FARS2: variants seen among roughly 807,000 people sequenced by gnomAD.
The protein encoded by FARS2 is phenylalanyl-tRNA synthetase 2, mitochondrial, also known as phenylalanine--tRNA ligase, mitochondrial.
FARS2 carries 40 observed loss-of-function variants against 46.4 expected under a neutral mutation model. The ratio of observed to expected loss-of-function variants is 0.86; its 90% CI spans 0.67 to 1.12. FARS2 has a LOEUF of 1.12. Among genes scored for constraint, FARS2 ranks in the 50% most tolerant of loss-of-function variants. The probability of loss-of-function intolerance (pLI) is 0.00; values close to 1 mark genes in which losing one functional copy is unlikely to be tolerated. For synonymous variants in FARS2, 234 were observed against 214.9 expected, an observed-to-expected ratio of 1.09 and a Z score of -0.78; for missense variants, 513 against 567.9, an observed-to-expected ratio of 0.90 and a Z score of 0.98.
At chr6:5,736,904 ACTCAT>A (rs1737623056) in intron 6 of FARS2, among the ~76,000 whole-genome samples, 1 of 152,048 alleles carries the variant, frequency 6.6e-6, no homozygotes. Flanking sequence ...ATCCCATCTC[ACTCAT>A]CTCTCTTCTG....
chr6:5,486,703 G>A (rs1468546545), intron 4 of FARS2, among the ~76,000 whole-genome samples: 1 of 152,168 alleles, frequency 6.6e-6, no homozygotes, highest in Non-Finnish European at 1.5e-5. Context: ...GCATGTTGAG[G>A]TGTGGACTTA....
In FARS2 at chr6:5,765,165, G is replaced by A. The variant is rs925062195; in HGVS notation, c.1218-6126G>A. Among the ~76,000 whole-genome samples the A allele has an allele frequency of 3.3e-5, 5 of 152,188 alleles. No individual in the cohort carries two copies. The highest frequency in any genetic ancestry group is 9.7e-5 in the African/African-American group (4 of 41,446). ...CCCCTCCCTGCTGTTGCATTCTGCC[G>A]TCCAGCCCAGCTCTCCCATTGGCCC... is the stretch of plus-strand genomic sequence containing the variant. On this transcript the variant is annotated intron_variant, in intron 6 of 6. Transcript: ENST00000274680. This position sits in a 1 kb window ranked among gnomAD's most constrained non-coding sequence, Gnocchi z 4.0.
intron 5 of FARS2, among the ~76,000 whole-genome samples, chr6:5,546,396 G>A (rs979955600): frequency 3.3e-4 from 50 of 150,892 alleles, no homozygotes; most frequent in African/African-American, 1.0e-3. Flanking sequence ...GATTACAGGC[G>A]CCCACCACTA....
chr6:5,333,491 T>C (rs1255338817), intron 1 of FARS2, among the ~76,000 whole-genome samples: 1 of 152,128 alleles, frequency 6.6e-6, no homozygotes. Context: ...AAACATGAAG[T>C]GGGAAAGTTG....
At chr6:5,723,198 C>T (rs1031193592) in intron 6 of FARS2, among the ~76,000 whole-genome samples, 1 of 151,958 alleles carries the variant, frequency 6.6e-6, no homozygotes, top group Non-Finnish European at 1.5e-5. Context: ...TGTCGGGAGC[C>T]GTGGGTCATG....
At chr6:5,697,471 T>G (rs1391970390) in intron 6 of FARS2, among the ~76,000 whole-genome samples, 2 of 152,180 alleles carry the variant, frequency 1.3e-5, no homozygotes, top group Non-Finnish European at 2.9e-5. Context: ...ACTCCTTCAT[T>G]TTACAAAGAA....
intron 6 of FARS2, among the ~76,000 whole-genome samples, chr6:5,708,599 C>T (rs186167911): frequency 3.6e-4 from 55 of 152,336 alleles, no homozygotes; most frequent in African/African-American, 1.3e-3. Flanking sequence ...AAGCAGGCTT[C>T]CTGCTGAAGC....
chr6:5,408,049 A>T (rs1174821032), intron 3 of FARS2, among the ~76,000 whole-genome samples: 2 of 141,030 alleles, frequency 1.4e-5, no homozygotes, highest in African/African-American at 5.6e-5. Context: ...GTCATCCTAC[A>T]TATTTCTATA....
At chr6:5,291,718 A>G (rs997475592) in intron 1 of FARS2, among the ~76,000 whole-genome samples, 10 of 152,036 alleles carry the variant, frequency 6.6e-5, no homozygotes, top group Non-Finnish European at 1.2e-4. Context: ...TGATTGAGCC[A>G]CTGCAAGCCA....
At chr6:5,548,896 T>G (rs189528893) in intron 5 of FARS2, among the ~76,000 whole-genome samples, 1 of 152,350 alleles carries the variant, frequency 6.6e-6, no homozygotes, top group African/African-American at 2.4e-5. Context: ...ATTTGTACAT[T>G]CATATTTAGT....
At position 5,440,253 on chromosome 6, in the gene FARS2, G is replaced by A. The variant is rs960112832; in HGVS notation, c.904+9081G>A. 2.6e-5 allele frequency among the ~76,000 whole-genome samples: 4 copies of A among 152,078 alleles called. No homozygotes were observed. In the East Asian group the frequency reaches 5.8e-4, roughly 22 times the overall value. ...TTGTCAGATATACCTACATATAGAA[G>A]TTATATATATATTTTATAAAAAGTA... On this transcript the variant is annotated intron_variant, in intron 4 of 6. Transcript: ENST00000274680.
At chr6:5,681,011 A>T (rs1779006706) in intron 6 of FARS2, among the ~76,000 whole-genome samples, 1 of 152,220 alleles carries the variant, frequency 6.6e-6, no homozygotes, top group South Asian at 2.1e-4. Context: ...TAGTGACATA[A>T]TCGCCCTCAT....
intron 1 of FARS2, among the ~76,000 whole-genome samples, chr6:5,281,401 C>T (rs1025059836): frequency 2.6e-5 from 4 of 151,974 alleles, no homozygotes; most frequent in Non-Finnish European, 4.4e-5. Flanking sequence ...TTTGTTTTTA[C>T]TGTGTCAAAA....
In FARS2 at chr6:5,475,877, T is replaced by A. The variant is rs146345268; in HGVS notation, c.904+44705T>A. 1.3e-3 allele frequency among the ~76,000 whole-genome samples: 200 copies of A among 152,278 alleles called. 1 individual carries two copies. The highest frequency in any genetic ancestry group is 4.7e-3 in the African/African-American group (194 of 41,566). On this transcript the variant is annotated intron_variant, in intron 4 of 6. Transcript: ENST00000274680. ...GGCTTGCTGTCATGGATGCCGGTCG[T>A]TGCTCCCCTGATGTTGTTTTCTCCC...
At chr6:5,285,364 G>A (rs1767034276) in intron 1 of FARS2, among the ~76,000 whole-genome samples, 1 of 152,214 alleles carries the variant, frequency 6.6e-6, no homozygotes, top group Non-Finnish European at 1.5e-5. Context: ...CCAGCTGCCG[G>A]AGGATGAGGC....
chr6:5,713,357 A>G (rs1252332421), intron 6 of FARS2, among the ~76,000 whole-genome samples: 2 of 152,260 alleles, frequency 1.3e-5, no homozygotes. Context: ...ATGCAAGTCA[A>G]TTGTAAAATC....
intron 6 of FARS2, among the ~76,000 whole-genome samples, chr6:5,670,480 C>T (rs1483289135): frequency 5.3e-5 from 8 of 152,084 alleles, no homozygotes; most frequent in Non-Finnish European, 1.2e-4. Flanking sequence ...ACTTGGCCCA[C>T]AACTGATGCA....
chr6:5,488,280 A>G (rs1480996733), intron 4 of FARS2, among the ~76,000 whole-genome samples: 1 of 152,224 alleles, frequency 6.6e-6, no homozygotes, highest in Non-Finnish European at 1.5e-5. Context: ...TCAAAAGGCT[A>G]TCGTTAGTCA....
At chr6:5,396,405 A>T (rs1040204301) in intron 2 of FARS2, among the ~76,000 whole-genome samples, 5 of 152,196 alleles carry the variant, frequency 3.3e-5, no homozygotes, top group Non-Finnish European at 7.3e-5. Context: ...TCATTTGGCT[A>T]CAAGGCTGGA....
Sources: gnomAD v4.1 joint callset for allele counts (sites outside exome capture counted in the v4.1 genomes callset) on GRCh38, gnomAD v4.1.1 for gene constraint, Gnocchi (gnomAD v3.1) non-coding constraint, MANE v1.5 for transcripts, NCBI Gene and HGNC (gene_info 2026-07-23, HGNC 2026-07-21) for gene names.